The following SPINK6 variants were observed in gnomAD, a reference collection of about 807,000 sequenced individuals.
SPINK6 encodes serine peptidase inhibitor Kazal type 6, also known as serine protease inhibitor Kazal-type 6.
In SPINK6, 13 loss-of-function variants were observed where a neutral mutation model predicts 11.7. The ratio of observed to expected loss-of-function variants is 1.11; its 90% confidence interval spans 0.72 to 1.76. SPINK6 has a LOEUF of 1.76. SPINK6 is among the 40% of genes most tolerant of loss of function. The pLI, the probability that SPINK6 is intolerant of heterozygous loss-of-function variation, is 0.00. For missense variants in SPINK6, 98 were observed against 93.7 expected, an observed-to-expected ratio of 1.05 and a Z score of -0.19; for synonymous variants, 21 against 31.9, an observed-to-expected ratio of 0.66 and a Z score of 1.15.
chr5:148,205,363 T>C (rs1260064957), intron 1 of SPINK6, among the ~76,000 whole-genome samples: 1 of 152,114 alleles, frequency 6.6e-6, no homozygotes, highest in Non-Finnish European at 1.5e-5. Flanking sequence ...ACCACTGAAC[T>C]AATTAGTCAC....
intron 2 of SPINK6, 88 bp from the exon 3 acceptor site, chr5:148,213,822 T>G: frequency 1.5e-6 from 1 of 688,570 alleles, no homozygotes; most frequent in South Asian, 1.8e-5. Context: ...TATATATGGT[T>G]TTTAAAGTTT....
At chr5:148,205,880 A>G (rs1755490990) in intron 1 of SPINK6, among the ~76,000 whole-genome samples, 156 bp from the exon 2 acceptor site, 1 of 152,060 alleles carries the variant, frequency 6.6e-6, no homozygotes, top group African/African-American at 2.4e-5. Context: ...AAAAAAAAGA[A>G]GAAGAAGAAG....
chr5:148,212,490 ATATATATAAAGTATATATTT>A (rs1221332985), intron 2 of SPINK6, among the ~76,000 whole-genome samples: 29 of 130,788 alleles, frequency 2.2e-4, no homozygotes, highest in African/African-American at 8.3e-4. Context: ...TTATATATAT[ATATATATAAAGTATATATTT>A]TATATATATA....
chr5:148,214,814 T>G, intron 3 of SPINK6, 91 bp from the exon 4 acceptor site: 1 of 956,464 alleles, frequency 1.0e-6, no homozygotes, highest in Admixed American at 2.3e-5. Context: ...AATAATTAAA[T>G]GGACCATGCC....
chr5:148,211,007 C>A (rs1172916170), intron 2 of SPINK6, among the ~76,000 whole-genome samples: 4 of 152,084 alleles, frequency 2.6e-5, no homozygotes, highest in African/African-American at 7.2e-5. Context: ...TGTGTGATTG[C>A]AAATTTTCAT....
intron 2 of SPINK6, among the ~76,000 whole-genome samples, chr5:148,207,921 A>G (rs897234989): frequency 2.0e-5 from 3 of 152,194 alleles, no homozygotes; most frequent in African/African-American, 7.2e-5. Context: ...ATCCCCAGGC[A>G]TCATGCAAGA....
At chr5:148,205,928 A>G in intron 1 of SPINK6, 108 bp from the exon 2 acceptor site, 1 of 1,161,918 alleles carries the variant, frequency 8.6e-7, no homozygotes, top group African/African-American at 1.6e-5. Context: ...ATGACTTTTT[A>G]AGATAGCCAA....
rs1755647273 is a variant in SPINK6, at chr5:148,213,897, C to G, written c.82-13C>G. On this transcript the variant is annotated splice_polypyrimidine_tract_variant and intron_variant, in intron 2 of 3. Transcript: ENST00000325630. ...ATGCACTGATGTCAATGTCACTCTG[C>G]TTACTTTGGTAGGTTGACTGTGGTG... 6.5e-6 allele frequency: 9 copies of G among 1,393,392 alleles called. No individual in the cohort carries two copies. In the East Asian group the frequency reaches 2.0e-4, roughly 32 times the overall value. 86.3% of individuals were successfully genotyped at this position (1,393,392 alleles called of 1,614,324 possible). A position where few individuals can be genotyped will look rare whatever the true frequency, so the allele number is the denominator to read the frequency against.
chr5:148,210,221 TGTATTTCTGCATGC>T (rs1477390518), intron 2 of SPINK6, among the ~76,000 whole-genome samples: 1 of 126,994 alleles, frequency 7.9e-6, no homozygotes, highest in African/African-American at 3.1e-5. Flanking sequence ...TGCATGCATA[TGTATTTCTGCATGC>T]ATACGTATGT....
chr5:148,214,300 C>A lies in SPINK6; in HGVS notation c.197+275C>A, dbSNP rs994963046. On this transcript the variant is annotated intron_variant, in intron 3 of 3. Coordinates refer to ENST00000325630, the MANE Select transcript of SPINK6 (RefSeq NM_205841.4). ...TTCAAAAACATTCACACATCTTATACATTATAACTTATTATATTTAATAAT... is the reference window on the plus strand; with the variant it reads ...TTCAAAAACATTCACACATCTTATAAATTATAACTTATTATATTTAATAAT... 1.5e-4 allele frequency among the ~76,000 whole-genome samples: 23 copies of A among 152,088 alleles called. 1 individual carries two copies. Among genetic ancestry groups the A allele is most frequent in the South Asian group, 1.0e-3 (5 of 4,832 alleles).
upstream of SPINK6, chr5:148,202,816 A>T (rs1211575501): frequency 3.1e-6 from 1 of 319,044 alleles, no homozygotes; most frequent in Non-Finnish European, 5.7e-6. Context: ...TAGAAAGAAG[A>T]GCCGGGAGGA....
chr5:148,212,482 A>ATATATATATATATAAAGTATATATTTTT (rs1174304100), intron 2 of SPINK6, among the ~76,000 whole-genome samples: 43 of 90,682 alleles, frequency 4.7e-4, no homozygotes, highest in Admixed American at 9.6e-4. Context: ...CATATTTTTT[A>ATATATATATATATAAAGTATATATTTTT]TATATATATA....
chr5:148,210,298 T>G (rs199874822), intron 2 of SPINK6, among the ~76,000 whole-genome samples: 15 of 19,820 alleles, frequency 7.6e-4, no homozygotes, highest in African/African-American at 1.9e-3. Flanking sequence ...ATATGTATGT[T>G]TCTGCATACA....
chr5:148,211,074 T>C (rs971424314), intron 2 of SPINK6, among the ~76,000 whole-genome samples: 3 of 152,154 alleles, frequency 2.0e-5, no homozygotes, highest in African/African-American at 7.2e-5. Flanking sequence ...CCTGAGTCTT[T>C]AGTTGACTTA....
chr5:148,214,370 C>T (rs1195768152), intron 3 of SPINK6, among the ~76,000 whole-genome samples: 1 of 151,954 alleles, frequency 6.6e-6, no homozygotes, highest in Non-Finnish European at 1.5e-5. Context: ...TTAGAATTTG[C>T]AATATCAATA....
At chr5:148,212,618 A>ATAT (rs1339350695) in intron 2 of SPINK6, among the ~76,000 whole-genome samples, 5 of 103,956 alleles carry the variant, frequency 4.8e-5, no homozygotes, top group African/African-American at 2.0e-4. Flanking sequence ...ATATATTTAT[A>ATAT]TTATATATTA....
At chr5:148,202,991 T>C (rs1755452460), upstream of SPINK6, 9 of 820,726 alleles carry the variant, frequency 1.1e-5, no homozygotes, top group African/African-American at 3.4e-5. Flanking sequence ...ATAAACTGCA[T>C]AGGACTCATG....
At chr5:148,203,596 C>T (rs1212011369) in intron 1 of SPINK6, among the ~76,000 whole-genome samples, 4 of 152,096 alleles carry the variant, frequency 2.6e-5, no homozygotes, top group Non-Finnish European at 4.4e-5. Flanking sequence ...ATTGGTTTTG[C>T]TTTCCAGAAC....
chr5:148,204,381 A>T (rs767298909), intron 1 of SPINK6, among the ~76,000 whole-genome samples: 7 of 151,628 alleles, frequency 4.6e-5, no homozygotes, highest in Non-Finnish European at 8.8e-5. Context: ...TAGTCTCAGA[A>T]ATCAATTGTT....
Sources: allele counts gnomAD v4.1 joint callset (sites outside exome capture counted in the v4.1 genomes callset), GRCh38; gene constraint gnomAD v4.1.1; transcripts MANE v1.5; gene names NCBI Gene and HGNC (gene_info 2026-07-23, HGNC 2026-07-21).